HCN2: variants seen among roughly 807,000 people sequenced by gnomAD.
HCN2 encodes potassium/sodium hyperpolarization-activated cyclic nucleotide-gated channel 2.
A neutral mutation model predicts 52.3 loss-of-function variants in HCN2; 20 were observed. The ratio of observed to expected loss-of-function variants is 0.38; its 90% CI spans 0.27 to 0.56. The LOEUF (loss-of-function observed/expected upper bound fraction) is 0.56. Among genes scored for constraint, HCN2 ranks in the 20% least tolerant of loss-of-function variants. HCN2 has a pLI of 0.71. For synonymous variants in HCN2, 694 were observed against 537.0 expected, an observed-to-expected ratio of 1.29 and a Z score of -4.04; for missense variants, 981 against 1,207.7, an observed-to-expected ratio of 0.81 and a Z score of 2.78.
At chr19:605,267 T>C (rs1377152319) in intron 3 of HCN2, 45 bp downstream of exon 3, 3 of 1,588,822 alleles carry the variant, frequency 1.9e-6, no homozygotes, top group African/African-American at 1.3e-5. Context: ...CAGGCTCCCA[T>C]ACAGAGGGGG....
At position 615,453 on chromosome 19, in the gene HCN2, G is replaced by C. The variant is rs145946764; in HGVS notation, c.1991-342G>C. On this transcript the variant is annotated intron_variant, in intron 7 of 7. Transcript: ENST00000251287. ...GGTGTGAACCCGGGAGGTGGACCTT[G>C]CAGTGGGCCGAGATCGCGCCACTGC... Among the ~76,000 whole-genome samples, 1,194 of 152,314 alleles carry C rather than the reference G, an allele frequency of 7.8e-3. 16 individuals carry two copies. Among genetic ancestry groups the C allele is most frequent in the African/African-American group, 0.028 (1,163 of 41,568 alleles).
intron 4 of HCN2, among the ~76,000 whole-genome samples, chr19:609,317 T>C (rs1983527561): frequency 6.6e-6 from 1 of 152,148 alleles, no homozygotes; most frequent in South Asian, 2.1e-4. Flanking sequence ...CTCCCTTCCC[T>C]GCTCAGGAGG....
chr19:610,865 C>A (rs527516391), intron 5 of HCN2, among the ~76,000 whole-genome samples: 1 of 152,170 alleles, frequency 6.6e-6, no homozygotes, highest in East Asian at 1.9e-4. Context: ...GGCCTCCCAC[C>A]GTCCTGGAGG....
chr19:601,961 A>G (rs1312694902), intron 1 of HCN2, among the ~76,000 whole-genome samples: 1 of 151,910 alleles, frequency 6.6e-6, no homozygotes, highest in Non-Finnish European at 1.5e-5. Flanking sequence ...TCTCTTGTCC[A>G]CGGGTATTTA....
intron 5 of HCN2, among the ~76,000 whole-genome samples, chr19:612,427 T>TGTGTGTGTGTGTGTGTGTGTGAGA: frequency 1.8e-3 from 250 of 142,340 alleles, no homozygotes; most frequent in Middle Eastern, 3.6e-3. Context: ...TGTGTGTGTG[T>TGTGTGTGTGTGTGTGTGTGTGAGA]GAGAGAGAGA....
intron 4 of HCN2, among the ~76,000 whole-genome samples, chr19:609,335 C>T (rs1983528157): frequency 6.6e-6 from 1 of 152,180 alleles, no homozygotes. Flanking sequence ...AGGGGCTGAC[C>T]CGATGGTTTC....
intron 1 of HCN2, among the ~76,000 whole-genome samples, chr19:603,146 C>T (rs1983269416): frequency 1.3e-5 from 1 of 74,144 alleles, no homozygotes; most frequent in South Asian, 4.6e-4. Context: ...TGCCCCTCGT[C>T]CCACAGGGAA....
At chr19:597,194 C>T (rs1181400518) in intron 1 of HCN2, among the ~76,000 whole-genome samples, 1 of 152,210 alleles carries the variant, frequency 6.6e-6, no homozygotes, top group Admixed American at 6.5e-5. Flanking sequence ...GGAATACTGC[C>T]CTGCTGGGCA....
Position 613,308 on chromosome 19 carries a change from G to A in HCN2, c.1645G>A (p.Asp549Asn). 6.2e-7 allele frequency: 1 copy of A among 1,612,926 alleles called. No homozygotes were observed. The highest frequency in any genetic ancestry group is 8.5e-7 in the Non-Finnish European group (1 of 1,179,912). The change falls in exon 6 of 8, where the codon GAC (aspartate) becomes AAC (asparagine). Residue 549 changes from aspartate to asparagine, a missense_variant. This residue lies in a region of HCN2 where 282 missense variants were observed against 553.8 expected (regional missense o/e 0.51). Coordinates refer to ENST00000251287, the MANE Select transcript of HCN2 (RefSeq NM_001194.4). Reference protein sequence around the residue: ...VASMPLFANADPNFVTAMLTK... With the variant: ...VASMPLFANANPNFVTAMLTK... ...CTCCATGCCGCTGTTCGCCAACGCCGACCCCAACTTCGTCACGGCCATGCT... is the reference window on the plus strand; with the variant it reads ...CTCCATGCCGCTGTTCGCCAACGCCAACCCCAACTTCGTCACGGCCATGCT...
chr19:615,711 A>G, intron 7 of HCN2, 84 bp from the exon 8 acceptor site: 1 of 1,374,882 alleles, frequency 7.3e-7, no homozygotes, highest in Non-Finnish European at 1.0e-6. Flanking sequence ...CTGTGTGCGC[A>G]CCCGCGGTGC....
chr19:602,125 A>G (rs1262183709), intron 1 of HCN2, among the ~76,000 whole-genome samples: 5 of 109,156 alleles, frequency 4.6e-5, no homozygotes, highest in Non-Finnish European at 9.2e-5. Context: ...TGGACGCCCC[A>G]CTCCCTCCTC....
chr19:601,313 G>A (rs766405922), intron 1 of HCN2, among the ~76,000 whole-genome samples: 3 of 151,926 alleles, frequency 2.0e-5, no homozygotes, highest in African/African-American at 4.8e-5. Flanking sequence ...ACTCCGTCTC[G>A]GAAAAAAAAA....
rs1457601379 is a variant in HCN2, at chr19:616,264, G to T, written c.2460G>T (p.Leu820=). Residue 820 remains leucine, a synonymous_variant, in exon 8 of 8, where the codon CTG becomes CTT. Transcript: ENST00000251287. ...ARRLSRASRP[L]SASQPSLPHG... ...GCCTGAGCCGCGCGTCGCGCCCACT[G>T]TCCGCCTCGCAGCCCTCGCTGCCTC... The T allele has an allele frequency of 1.9e-6, 2 of 1,035,766 alleles. No homozygotes were observed. Among genetic ancestry groups the T allele is most frequent in the Non-Finnish European group, 2.3e-6 (2 of 866,512 alleles). 64.2% of individuals were successfully genotyped at this position (1,035,766 alleles called of 1,614,324 possible).
rs1983482221 is a variant in HCN2, at chr19:608,040, G to A, written c.1295G>A (p.Arg432Gln). ...CACATGCTGTGCATCGGGTACGGCC[G>A]GCAGGCGCCCGAGAGCATGACGGAC... ...MSHMLCIGYG[R>Q]QAPESMTDIW... The change falls in exon 4 of 8, where the codon CGG (arginine) becomes CAG (glutamine). Residue 432 changes from arginine (R) to glutamine (Q), a missense_variant. Physicochemically the swap from Arg to Gln is conservative, Grantham distance 43. Transcript: ENST00000251287. The A allele has an allele frequency of 3.7e-6, 6 of 1,613,022 alleles. 1 individual carries two copies. The highest frequency in any genetic ancestry group is 2.2e-5 in the South Asian group (2 of 91,074).
chr19:595,706 G>A (rs925819659), intron 1 of HCN2, among the ~76,000 whole-genome samples: 19 of 151,684 alleles, frequency 1.3e-4, no homozygotes, highest in East Asian at 3.9e-4. Flanking sequence ...CATCTGCCCC[G>A]TCGGGATCAC....
chr19:598,305 A>C (rs1351596766), intron 1 of HCN2, among the ~76,000 whole-genome samples: 3 of 151,194 alleles, frequency 2.0e-5, no homozygotes, highest in Admixed American at 2.0e-4. Context: ...CCCGAGATCA[A>C]GTCAGCCTTT....
intron 3 of HCN2, among the ~76,000 whole-genome samples, chr19:605,946 G>A (rs913092255): frequency 8.5e-5 from 13 of 152,182 alleles, no homozygotes; most frequent in African/African-American, 2.9e-4. Context: ...GTCCCTGGGG[G>A]TCTGAAACAG....
intron 5 of HCN2, among the ~76,000 whole-genome samples, chr19:612,872 G>A (rs1983705160): frequency 6.6e-6 from 1 of 150,872 alleles, no homozygotes; most frequent in East Asian, 1.9e-4. Flanking sequence ...AGAGACGGGG[G>A]TCTTACCGTG....
chr19:596,615 AG>A (rs1191947998), intron 1 of HCN2, among the ~76,000 whole-genome samples: 2 of 152,108 alleles, frequency 1.3e-5, no homozygotes, highest in Admixed American at 6.5e-5. Flanking sequence ...GTGACAGCTG[AG>A]GGGGGCCTGT....
Sources: gnomAD v4.1 joint callset for allele counts (sites outside exome capture counted in the v4.1 genomes callset) on GRCh38, gnomAD v4.1.1 for gene constraint, gnomAD v4.1.1 regional missense constraint, MANE v1.5 for transcripts, NCBI Gene and HGNC (gene_info 2026-07-23, HGNC 2026-07-21) for gene names.